Variants in ERBB2 observed in about 807,000 individuals in gnomAD.
ERBB2 encodes the protein erb-b2 receptor tyrosine kinase 2, also known as receptor tyrosine-protein kinase erbB-2.
A neutral mutation model predicts 149.0 loss-of-function variants in ERBB2; 61 were observed. The observed-to-expected ratio is 0.41, with a 90% CI of 0.33 to 0.51. The LOEUF (loss-of-function observed/expected upper bound fraction) is 0.51. Among genes scored for constraint, ERBB2 ranks in the 20% least tolerant of loss-of-function variants. The pLI, the probability that ERBB2 is intolerant of heterozygous loss-of-function variation, is 0.25. For synonymous variants in ERBB2, 633 were observed against 678.8 expected, an observed-to-expected ratio of 0.93 and a Z score of 1.05; for missense variants, 1,205 against 1,655.1, an observed-to-expected ratio of 0.73 and a Z score of 4.72.
upstream of ERBB2, among the ~76,000 whole-genome samples, chr17:39,697,359 T>G (rs188492389): frequency 0.012 from 1,872 of 149,920 alleles, 35 homozygotes; most frequent in East Asian, 0.037. Context: ...GTTTTGTTTT[T>G]TTTTTTTTTT....
In ERBB2 at chr17:39,708,318, C is replaced by T. The variant is rs2145436529; in HGVS notation, c.226-3C>T. The T allele has an allele frequency of 6.2e-7, 1 of 1,611,010 alleles. No homozygotes were observed. Among genetic ancestry groups the T allele is most frequent in the Non-Finnish European group, 8.5e-7 (1 of 1,177,414 alleles). ...TCAGCCCCACTCTGCTTCCCCCTCC[C>T]AGGATATCCAGGAGGTGCAGGGCTA... On this transcript the variant is annotated splice_region_variant and splice_polypyrimidine_tract_variant and intron_variant, in intron 2 of 26. Transcript: ENST00000269571.
chr17:39,700,344 G>A (rs1320890903), intron 1 of ERBB2, 33 bp downstream of exon 1: 9 of 1,323,108 alleles, frequency 6.8e-6, no homozygotes, highest in South Asian at 2.0e-5. Context: ...ACGGAGCAGC[G>A]GCGGGACCCT....
upstream of ERBB2, among the ~76,000 whole-genome samples, chr17:39,699,158 T>C (rs976476904): frequency 2.6e-5 from 4 of 151,980 alleles, no homozygotes; most frequent in East Asian, 5.8e-4. Flanking sequence ...TTTTGAAGAA[T>C]TGAGATAGAA....
intron 2 of ERBB2, 118 bp downstream of exon 2, chr17:39,707,259 C>T: frequency 1.1e-6 from 1 of 898,074 alleles, no homozygotes. Flanking sequence ...GTTGTGGTTT[C>T]TCAACCAGGA....
Position 39,727,054 on chromosome 17 carries a change from C to A in ERBB2, c.3159+51C>A, listed in dbSNP as rs1482357362. 6.8e-7 allele frequency: 1 copy of A among 1,471,996 alleles called. No homozygotes were observed. Among genetic ancestry groups the A allele is most frequent in the Non-Finnish European group, 9.2e-7 (1 of 1,092,044 alleles). 91.2% of individuals were successfully genotyped at this position (1,471,996 alleles called of 1,614,324 possible). A position where few individuals can be genotyped will look rare whatever the true frequency, so the allele number is the denominator to read the frequency against. On this transcript the variant is annotated intron_variant, in intron 25 of 26. Transcript: ENST00000269571. The surrounding 1 kb of genome is among the most constrained non-coding windows in gnomAD (Gnocchi z 4.3). ...GGCTGTCTGCTTACCTCCCCCAACC[C>A]CGGTGGACTAGGGTCCCTTTCTCTG...
rs1410006819 is a variant in ERBB2 at position 39,700,097 on chromosome 17, C to T, written c.-142C>T. 2 of 1,283,014 alleles carry T rather than the reference C, an allele frequency of 1.6e-6. No individual in the cohort carries two copies. The highest frequency in any genetic ancestry group is 3.1e-5 in the African/African-American group (2 of 64,450). The allele number at this position is 1,283,014 out of a possible 1,614,324, so 79.5% of individuals were successfully genotyped here. ...TTGGGACCGGAGAAACCAGGGGAGC[C>T]CCCCGGGCAGCCGCGCGCCCCTTCC... On this transcript the variant is annotated 5_prime_UTR_variant, in exon 1 of 27. Transcript: ENST00000269571.
Position 39,725,192 on chromosome 17 carries a change from A to G in ERBB2, c.2637A>G (p.Ala879=), listed in dbSNP as rs1390445872. 6.2e-7 allele frequency: 1 copy of G among 1,613,964 alleles called. No individual in the cohort carries two copies. The highest frequency in any genetic ancestry group is 8.5e-7 in the Non-Finnish European group (1 of 1,180,032). ...ACATTGACGAGACAGAGTACCATGC[A>G]GATGGGGGCAAGGTTAGGTGAAGGA... is the stretch of plus-strand genomic sequence containing the variant. The part of the protein sequence containing the change: ...LLDIDETEYH[A]DGGKVPIKWM... The change falls in exon 21 of 27, where the codon GCA becomes GCG. Residue 879 remains alanine (A), a synonymous_variant. Coordinates refer to ENST00000269571, the MANE Select transcript of ERBB2 (RefSeq NM_004448.4). The surrounding 1 kb of genome is among the most constrained non-coding windows in gnomAD (Gnocchi z 4.6).
At chr17:39,724,042 A>C (rs2145829548) in intron 19 of ERBB2, 32 bp downstream of exon 19, 1 of 1,498,946 alleles carries the variant, frequency 6.7e-7, no homozygotes, top group Non-Finnish European at 9.2e-7. Flanking sequence ...TGCTAGGAGG[A>C]CAGGAAGGAC....
chr17:39,726,726 A>AGAGATG lies in ERBB2; in HGVS notation c.2970+68_2970+73dup. 6.3e-7 allele frequency: 1 copy of AGAGATG among 1,592,488 alleles called. No homozygotes were observed. Among genetic ancestry groups the AGAGATG allele is most frequent in the Middle Eastern group, 1.7e-4 (1 of 6,030 alleles). On this transcript the variant is annotated intron_variant, in intron 24 of 26. Transcript: ENST00000269571. This position sits in a 1 kb window ranked among gnomAD's most constrained non-coding sequence, Gnocchi z 5.1. ...CACCCTCCTGCAGAGGGTGGGAAGG[A>AGAGATG]GAGATGAGTCCAGTATGCCAGGCCC...
upstream of ERBB2, chr17:39,699,459 TTA>T: frequency 1.6e-6 from 2 of 1,252,498 alleles, no homozygotes; most frequent in Non-Finnish European, 2.2e-6. Context: ...AAAAGTTCGT[TTA>T]AAAAAAAAAA....
Position 39,710,293 on chromosome 17 carries a change from C to T in ERBB2, c.760-47C>T, listed in dbSNP as rs772651703. 5.6e-6 allele frequency: 9 copies of T among 1,612,954 alleles called. 1 individual carries two copies. The African/African-American group carries it at 8.0e-5, about 14-fold the overall frequency. ...TGGTACTGCCCTATTGCCCCTGGCA[C>T]ACCAGGGCAAAACAGCACAGTGAAA... On this transcript the variant is annotated intron_variant, in intron 6 of 26. Coordinates refer to ENST00000269571, the MANE Select transcript of ERBB2 (RefSeq NM_004448.4).
At position 39,723,522 on chromosome 17, in the gene ERBB2, CA is replaced by C. The variant is rs1567911601; in HGVS notation, c.2086-15del. ...GCACCGGCCCCCGGCACTGACCCAC[CA>C]CCCCCTCACCCCAGCTGGTGGAGCC... is the stretch of plus-strand genomic sequence containing the variant. On this transcript the variant is annotated splice_polypyrimidine_tract_variant and intron_variant, in intron 17 of 26. Coordinates refer to ENST00000269571, the MANE Select transcript of ERBB2 (RefSeq NM_004448.4). This position sits in a 1 kb window ranked among gnomAD's most constrained non-coding sequence, Gnocchi z 6.2. 6.2e-7 allele frequency: 1 copy of C among 1,612,528 alleles called. No homozygotes were observed. Among genetic ancestry groups the C allele is most frequent in the Non-Finnish European group, 8.5e-7 (1 of 1,179,338 alleles).
intron 5 of ERBB2, 102 bp downstream of exon 5, chr17:39,709,983 G>A: frequency 6.7e-7 from 1 of 1,501,008 alleles, no homozygotes; most frequent in Non-Finnish European, 9.2e-7. Context: ...TAACAGGCTT[G>A]GGATGTCTCC....
chr17:39,723,619 G>A lies in ERBB2; in HGVS notation c.2167G>A (p.Val723Met), dbSNP rs1221984925. Residue 723 changes from valine (V) to methionine (M), a missense_variant, in exon 18 of 27, where the codon GTG becomes ATG. Val to Met is a conservative substitution (Grantham distance 21). Transcript: ENST00000269571. The surrounding 1 kb of genome is among the most constrained non-coding windows in gnomAD (Gnocchi z 6.2). ...RILKETELRKVKVLGSGAFGT... is the reference protein window; with the variant it reads ...RILKETELRKMKVLGSGAFGT... ...CCTGAAAGAGACGGAGCTGAGGAAG[G>A]TGAAGGTGCTTGGATCTGGCGCTTT... 2 of 1,606,862 alleles carry A rather than the reference G, an allele frequency of 1.2e-6. No homozygotes were observed.
At chr17:39,702,892 C>T (rs1242883422) in intron 1 of ERBB2, among the ~76,000 whole-genome samples, 1 of 152,226 alleles carries the variant, frequency 6.6e-6, no homozygotes, top group Non-Finnish European at 1.5e-5. Flanking sequence ...AATTTTTGGA[C>T]TCTGAAGAGG....
In ERBB2 at chr17:39,723,027, T is replaced by C. The variant is rs1353289269; in HGVS notation, c.1947-292T>C. On this transcript the variant is annotated intron_variant, in intron 16 of 26. Coordinates refer to ENST00000269571, the MANE Select transcript of ERBB2 (RefSeq NM_004448.4). This position sits in a 1 kb window ranked among gnomAD's most constrained non-coding sequence, Gnocchi z 6.2. ...CATGAGCCACCGCGCCCAGAGTCCT[T>C]AGTGATTTTTACACCATGAATTGTT... 6.6e-6 allele frequency among the ~76,000 whole-genome samples: 1 copy of C among 152,080 alleles called. No homozygotes were observed. The highest frequency in any genetic ancestry group is 1.5e-5 in the Non-Finnish European group (1 of 68,024).
chr17:39,697,354 GTTTTTTTTTTT>G (rs60262818), upstream of ERBB2, among the ~76,000 whole-genome samples: 2 of 122,138 alleles, frequency 1.6e-5, no homozygotes, highest in African/African-American at 6.1e-5. Flanking sequence ...TTTTTGTTTT[GTTTTTTTTTTT>G]TTTTTTTGAG....
In ERBB2 at chr17:39,723,842, A is replaced by G; in HGVS notation, c.2209-70A>G. The stretch of plus-strand genomic sequence containing the variant: ...GTGAAGGATGTTTGGAGGACAAGTA[A>G]TGATCTCCTGGAAGGCAGGTAGGAT... On this transcript the variant is annotated intron_variant, in intron 18 of 26. Coordinates refer to ENST00000269571, the MANE Select transcript of ERBB2 (RefSeq NM_004448.4). The surrounding 1 kb of genome is among the most constrained non-coding windows in gnomAD (Gnocchi z 6.2). 6.6e-7 allele frequency: 1 copy of G among 1,506,522 alleles called. No homozygotes were observed. 93.3% of individuals were successfully genotyped at this position (1,506,522 alleles called of 1,614,324 possible).
chr17:39,704,425 T>C (rs1346998533), intron 1 of ERBB2, among the ~76,000 whole-genome samples: 1 of 151,954 alleles, frequency 6.6e-6, no homozygotes, highest in African/African-American at 2.4e-5. Context: ...ATACAAAAAT[T>C]AGCCAGGTGT....
Sources: gnomAD v4.1 joint callset for allele counts (sites outside exome capture counted in the v4.1 genomes callset) on GRCh38, gnomAD v4.1.1 for gene constraint, Gnocchi (gnomAD v3.1) non-coding constraint, MANE v1.5 for transcripts, NCBI Gene and HGNC (gene_info 2026-07-23, HGNC 2026-07-21) for gene names.